C12orf42: variants seen among roughly 807,000 people sequenced by gnomAD.
C12orf42 encodes uncharacterized protein C12orf42.
A neutral mutation model predicts 21.6 loss-of-function variants in C12orf42; 25 were observed. The ratio of observed to expected loss-of-function variants is 1.16; its 90% CI spans 0.84 to 1.62. The LOEUF is 1.62. Ranked by LOEUF, C12orf42 falls within the 40% of genes most tolerant of loss-of-function variation. C12orf42 has a pLI of 0.00. For missense variants in C12orf42, 483 were observed against 459.3 expected (o/e 1.05, Z -0.47); for synonymous variants, 174 against 175.0 (o/e 0.99, Z 0.05).
the C12orf42 span, among the ~76,000 whole-genome samples, chr12:103,073,937 G>T: frequency 6.6e-6 from 1 of 152,152 alleles, no homozygotes; most frequent in Admixed American, 6.6e-5. Context: ...TTTGCCTGAG[G>T]TTACACAGCT....
In C12orf42 at chr12:103,302,356, C is replaced by T. The variant is rs368071901; in HGVS notation, c.835G>A (p.Ala279Thr). The change falls in exon 6 of 6, where the codon GCC becomes ACC. Residue 279 changes from alanine (A) to threonine (T), a missense_variant. Ala to Thr is a moderately conservative substitution (Grantham distance 58). Transcript: ENST00000548883. ...SGNPVGKGAVAMAPEMLPKHP... is the reference protein window; with the variant it reads ...SGNPVGKGAVTMAPEMLPKHP... Reference sequence around the variant, plus strand: ...TTGGGGAGCATCTCCGGCGCCATGGCAACCGCGCCTTTTCCGACGGGATTT... The same window carrying T: ...TTGGGGAGCATCTCCGGCGCCATGGTAACCGCGCCTTTTCCGACGGGATTT... 7.2e-5 allele frequency: 117 copies of T among 1,613,870 alleles called. No individual in the cohort carries two copies. The highest frequency in any genetic ancestry group is 9.4e-5 in the Non-Finnish European group (111 of 1,179,892).
chr12:103,059,562 G>A, the C12orf42 span, among the ~76,000 whole-genome samples: 1 of 152,136 alleles, frequency 6.6e-6, no homozygotes, highest in Non-Finnish European at 1.5e-5. Context: ...GATGAAAATC[G>A]GTGTGAAAAT....
chr12:103,448,049 A>G (rs542874528), intron 2 of C12orf42, among the ~76,000 whole-genome samples: 70 of 152,194 alleles, frequency 4.6e-4, no homozygotes, highest in Middle Eastern at 3.4e-3. Flanking sequence ...AAACTATACT[A>G]TAATGCCACA....
chr12:103,380,005 G>A (rs1202342474), intron 3 of C12orf42, among the ~76,000 whole-genome samples: 1 of 152,148 alleles, frequency 6.6e-6, no homozygotes, highest in Non-Finnish European at 1.5e-5. Flanking sequence ...GATAATTACC[G>A]TTAGTGAGGC....
chr12:103,090,981 T>TA, the C12orf42 span, among the ~76,000 whole-genome samples: 1,745 of 142,044 alleles, frequency 0.012, 11 homozygotes, highest in Middle Eastern at 0.026. Flanking sequence ...CCTACAAGTG[T>TA]AAAAAAAAAA....
chr12:103,311,948 A>C (rs1387574234), intron 4 of C12orf42, among the ~76,000 whole-genome samples: 1 of 152,206 alleles, frequency 6.6e-6, no homozygotes, highest in Non-Finnish European at 1.5e-5. Context: ...TATTCAGTCA[A>C]ACAATCATGA....
chr12:103,438,042 A>G (rs1303658161), intron 2 of C12orf42, among the ~76,000 whole-genome samples: 1 of 151,144 alleles, frequency 6.6e-6, no homozygotes, highest in East Asian at 1.9e-4. Flanking sequence ...GCAGCACATC[A>G]AAAAGCTTAT....
the C12orf42 span, among the ~76,000 whole-genome samples, chr12:103,135,337 A>G: frequency 6.6e-6 from 1 of 152,144 alleles, no homozygotes; most frequent in African/African-American, 2.4e-5. Flanking sequence ...AGGTGTCTGT[A>G]GTCCCAGCTA....
chr12:103,119,107 G>A, the C12orf42 span, among the ~76,000 whole-genome samples: 5 of 152,186 alleles, frequency 3.3e-5, no homozygotes, highest in Admixed American at 1.3e-4. Flanking sequence ...CTAGACACTG[G>A]AGGGAGCAGT....
chr12:103,138,233 C>T, the C12orf42 span, among the ~76,000 whole-genome samples: 1 of 152,166 alleles, frequency 6.6e-6, no homozygotes, highest in Admixed American at 6.5e-5. Context: ...TATGGTTTGG[C>T]TCTGTATCCC....
chr12:103,152,036 G>A, the C12orf42 span: 1 of 152,198 alleles, frequency 6.6e-6, no homozygotes, highest in Non-Finnish European at 1.5e-5. Context: ...AAGCCAAATG[G>A]CTAGGATTTG....
intron 2 of C12orf42, among the ~76,000 whole-genome samples, chr12:103,469,775 A>C (rs945423723): frequency 6.6e-6 from 1 of 152,230 alleles, no homozygotes; most frequent in Non-Finnish European, 1.5e-5. Flanking sequence ...AGCCACATCG[A>C]TTAGACAGTG....
the C12orf42 span, among the ~76,000 whole-genome samples, chr12:103,224,887 G>A: frequency 3.3e-5 from 5 of 152,284 alleles, no homozygotes; most frequent in East Asian, 9.6e-4. Context: ...GGAAGGAAAT[G>A]AGTTGTTGTT....
rs1234833323 is a variant in C12orf42 at position 103,417,788 on chromosome 12, G to T, written c.79-16113C>A. ...GCAGAAATGGATAGGATAAGAAGTG[G>T]TTGGACTGATGAGTGAGTGGATAGA... On this transcript the variant is annotated intron_variant, in intron 2 of 5. Coordinates refer to ENST00000548883, the MANE Select transcript of C12orf42 (RefSeq NM_198521.5). 2.0e-5 allele frequency among the ~76,000 whole-genome samples: 3 copies of T among 152,210 alleles called. No individual in the cohort carries two copies. In the East Asian group the frequency reaches 5.8e-4, roughly 29 times the overall value.
chr12:103,541,496 G>C, the C12orf42 span, among the ~76,000 whole-genome samples: 1 of 152,118 alleles, frequency 6.6e-6, no homozygotes, highest in South Asian at 2.1e-4. Flanking sequence ...TTGTAATGAT[G>C]CTAATATAAA....
At chr12:103,555,524 T>G in the C12orf42 span, among the ~76,000 whole-genome samples, 1 of 152,044 alleles carries the variant, frequency 6.6e-6, no homozygotes, top group East Asian at 1.9e-4. Context: ...GCCCAGGAAT[T>G]GACATTTTCA....
the C12orf42 span, among the ~76,000 whole-genome samples, chr12:103,172,854 A>G: frequency 6.6e-6 from 1 of 152,168 alleles, no homozygotes; most frequent in South Asian, 2.1e-4. Flanking sequence ...TGTCAAATAT[A>G]TCTCTTGAAC....
chr12:103,174,193 C>T, the C12orf42 span, among the ~76,000 whole-genome samples: 1,033 of 152,254 alleles, frequency 6.8e-3, 11 homozygotes, highest in African/African-American at 0.024. Flanking sequence ...TTATGATTCC[C>T]ATTTCATAGA....
chr12:103,246,421 ATT>A (rs1473216223), intron 10 of C12orf42, among the ~76,000 whole-genome samples: 1 of 152,082 alleles, frequency 6.6e-6, no homozygotes, highest in Non-Finnish European at 1.5e-5. Context: ...AATTAATTAT[ATT>A]TTAAGAGGGC....
Sources: gnomAD v4.1 joint callset for allele counts (sites outside exome capture counted in the v4.1 genomes callset) on GRCh38, gnomAD v4.1.1 for gene constraint, MANE v1.5 for transcripts, NCBI Gene and HGNC (gene_info 2026-07-23, HGNC 2026-07-21) for gene names.